TEAD1: variants seen among roughly 807,000 people sequenced by gnomAD.
TEAD1 encodes the protein TEA domain transcription factor 1, also known as transcriptional enhancer factor TEF-1.
Under a neutral mutation model 54.9 loss-of-function variants are expected in TEAD1, and 9 were observed. The ratio of observed to expected loss-of-function variants is 0.16; its 90% CI spans 0.10 to 0.29. The LOEUF (loss-of-function observed/expected upper bound fraction) is 0.29, where lower values mean the gene tolerates loss of function less well. Ranked by LOEUF, TEAD1 falls within the 10% of genes least tolerant of loss-of-function variation. The pLI is 1.00. For synonymous variants in TEAD1, 200 were observed against 187.8 expected (o/e 1.07, Z -0.53); for missense variants, 387 against 535.9 (o/e 0.72, Z 2.74).
chr11:12,889,866 C>A (rs2134110770), intron 9 of TEAD1, among the ~76,000 whole-genome samples: 1 of 152,212 alleles, frequency 6.6e-6, no homozygotes, highest in African/African-American at 2.4e-5. Flanking sequence ...GGACTACAGG[C>A]ATGCACCACC....
chr11:12,893,791 G>A (rs1400595742), intron 9 of TEAD1, among the ~76,000 whole-genome samples: 1 of 152,228 alleles, frequency 6.6e-6, no homozygotes, highest in Non-Finnish European at 1.5e-5. Context: ...CGAGGGGCAT[G>A]GGATGAAGTG....
At chr11:12,848,117 A>G (rs185298566) in intron 3 of TEAD1, among the ~76,000 whole-genome samples, 1 of 152,220 alleles carries the variant, frequency 6.6e-6, no homozygotes, top group African/African-American at 2.4e-5. Flanking sequence ...TATCCATCTA[A>G]TCGTTCCGTC....
chr11:12,877,659 C>CAAAA (rs112123980), intron 5 of TEAD1, among the ~76,000 whole-genome samples: 1 of 141,564 alleles, frequency 7.1e-6, no homozygotes. Flanking sequence ...AACTCCATCT[C>CAAAA]AAAAAAAAAA....
At chr11:12,684,437 T>C (rs142253109) in intron 2 of TEAD1, among the ~76,000 whole-genome samples, 143 of 152,354 alleles carry the variant, frequency 9.4e-4, no homozygotes, top group Non-Finnish European at 1.5e-3. Context: ...ATGGAACTCA[T>C]CTTTTCATAG....
At chr11:12,835,407 G>A (rs1946866387) in intron 3 of TEAD1, among the ~76,000 whole-genome samples, 1 of 151,946 alleles carries the variant, frequency 6.6e-6, no homozygotes, top group Admixed American at 6.6e-5. Flanking sequence ...CAGTGGCGCA[G>A]TCTCGGTCAC....
intron 3 of TEAD1, among the ~76,000 whole-genome samples, chr11:12,808,617 C>G (rs1197466869): frequency 6.6e-6 from 1 of 152,148 alleles, no homozygotes; most frequent in Non-Finnish European, 1.5e-5. Context: ...TCCCCACTGC[C>G]CTCTATTTGT....
chr11:12,736,248 C>T (rs1944528534), intron 2 of TEAD1, among the ~76,000 whole-genome samples: 1 of 152,164 alleles, frequency 6.6e-6, no homozygotes, highest in Non-Finnish European at 1.5e-5. Flanking sequence ...AATATGTGGA[C>T]ATGTGTACAG....
At position 12,908,479 on chromosome 11, in the gene TEAD1, C is replaced by CT. The variant is rs1337008517; in HGVS notation, c.873+6368dup. Among the ~76,000 whole-genome samples the CT allele has an allele frequency of 2.0e-5, 3 of 152,294 alleles. No homozygotes were observed. The East Asian group carries it at 5.8e-4, about 29-fold the overall frequency. On this transcript the variant is annotated intron_variant, in intron 10 of 12. Coordinates refer to ENST00000527636, the MANE Select transcript of TEAD1 (RefSeq NM_021961.6). ...CTTGATGGCCTGCCATGCTTCCTGTCTTGGGGACCTTTGAGTGTAATAAAT... is the reference window on the plus strand; with the variant it reads ...CTTGATGGCCTGCCATGCTTCCTGTCTTTGGGGACCTTTGAGTGTAATAAAT...
chr11:12,865,692 T>C (rs1564969001), intron 5 of TEAD1, among the ~76,000 whole-genome samples: 1 of 152,236 alleles, frequency 6.6e-6, no homozygotes, highest in Non-Finnish European at 1.5e-5. Context: ...ATTTTTCATA[T>C]ACAACTTCTT....
intron 2 of TEAD1, among the ~76,000 whole-genome samples, chr11:12,725,035 G>T (rs536096681): frequency 2.0e-5 from 3 of 152,256 alleles, no homozygotes; most frequent in South Asian, 2.1e-4. Flanking sequence ...AGTTCCCCAG[G>T]CCTGGGCTTG....
At chr11:12,853,656 A>G (rs1024151701) in intron 3 of TEAD1, among the ~76,000 whole-genome samples, 3 of 152,236 alleles carry the variant, frequency 2.0e-5, no homozygotes, top group African/African-American at 7.2e-5. Context: ...GCAGTGTTGT[A>G]TTCACTATGC....
intron 5 of TEAD1, among the ~76,000 whole-genome samples, chr11:12,868,661 G>GA (rs1947674713): frequency 6.6e-6 from 1 of 152,110 alleles, no homozygotes; most frequent in African/African-American, 2.4e-5. Flanking sequence ...TTTTAGTAAA[G>GA]AAAAAAATTG....
At chr11:12,871,327 G>A (rs551152321) in intron 5 of TEAD1, among the ~76,000 whole-genome samples, 1 of 152,304 alleles carries the variant, frequency 6.6e-6, no homozygotes, top group East Asian at 1.9e-4. Flanking sequence ...GTGAGAAGCA[G>A]CAGCATGTCT....
chr11:12,866,237 ACT>A (rs1947613003), intron 5 of TEAD1, among the ~76,000 whole-genome samples: 1 of 152,112 alleles, frequency 6.6e-6, no homozygotes. Flanking sequence ...TCAAGTTCTG[ACT>A]CTGTTTCTAG....
chr11:12,801,349 C>T (rs1169437091), intron 3 of TEAD1, among the ~76,000 whole-genome samples: 2 of 152,168 alleles, frequency 1.3e-5, no homozygotes, highest in Non-Finnish European at 2.9e-5. Flanking sequence ...TAAAAATCCC[C>T]TTTTCTCTCT....
Position 12,764,293 on chromosome 11 carries a change from G to C in TEAD1, c.61G>C (p.Asp21His). The change falls in exon 3 of 13, where the codon GAC becomes CAC. Residue 21 changes from aspartate (D) to histidine (H), a missense_variant. Physicochemically the swap from Asp to His is moderately conservative, Grantham distance 81. Transcript: ENST00000527636. ...TGCCGAAAACATGGAAAGGATGAGT[G>C]ACTCTGCAGATAAGCCAATTGACAA... is the stretch of plus-strand genomic sequence containing the variant. 1 of 1,614,202 alleles carries C rather than the reference G, an allele frequency of 6.2e-7. No individual in the cohort carries two copies. Among genetic ancestry groups the C allele is most frequent in the South Asian group, 1.1e-5 (1 of 91,084 alleles).
At chr11:12,767,331 AG>A (rs1401262239) in intron 3 of TEAD1, among the ~76,000 whole-genome samples, 1 of 152,186 alleles carries the variant, frequency 6.6e-6, no homozygotes, top group Non-Finnish European at 1.5e-5. Context: ...TTTTTTTCTA[AG>A]GGTTCTGAAA....
At chr11:12,732,040 G>A (rs4411271) in intron 2 of TEAD1, among the ~76,000 whole-genome samples, 4,897 of 151,978 alleles carry the variant, frequency 0.032, 281 homozygotes, top group African/African-American at 0.11. Context: ...AATCCCTTAA[G>A]TCTCTCATAT....
chr11:12,863,093 G>T (rs1057189533), intron 4 of TEAD1, among the ~76,000 whole-genome samples: 2 of 151,920 alleles, frequency 1.3e-5, no homozygotes, highest in African/African-American at 4.8e-5. Context: ...TTTTAATGTC[G>T]ATTTATGCTG....
Sources: gnomAD v4.1 joint callset for allele counts (sites outside exome capture counted in the v4.1 genomes callset) on GRCh38, gnomAD v4.1.1 for gene constraint, MANE v1.5 for transcripts, NCBI Gene and HGNC (gene_info 2026-07-23, HGNC 2026-07-21) for gene names.